Variants in LRFN2 observed in about 807,000 individuals in gnomAD.
The protein encoded by LRFN2 is leucine-rich repeat and fibronectin type-III domain-containing protein 2.
LRFN2 carries 18 observed loss-of-function variants against 37.3 expected under a neutral mutation model. The ratio of observed to expected loss-of-function variants is 0.48; its 90% CI spans 0.33 to 0.72. LRFN2 has a LOEUF of 0.72. Ranked by LOEUF, LRFN2 falls within the 30% of genes least tolerant of loss-of-function variation. The pLI, the probability that LRFN2 is intolerant of heterozygous loss-of-function variation, is 0.02. For synonymous variants in LRFN2, 556 were observed against 466.6 expected (o/e 1.19, Z -2.47); for missense variants, 1,006 against 1,060.7 (o/e 0.95, Z 0.72).
At chr6:40,472,700 C>T (rs1764626611) in intron 1 of LRFN2, among the ~76,000 whole-genome samples, 1 of 152,190 alleles carries the variant, frequency 6.6e-6, no homozygotes, top group Non-Finnish European at 1.5e-5. Flanking sequence ...CTGGATGTGA[C>T]CTGACTCTGA....
intron 1 of LRFN2, among the ~76,000 whole-genome samples, chr6:40,527,677 G>A (rs867972937): frequency 6.6e-6 from 1 of 152,146 alleles, no homozygotes; most frequent in Non-Finnish European, 1.5e-5. Flanking sequence ...AAGGAGAAAG[G>A]TACCATAGTA....
intron 1 of LRFN2, among the ~76,000 whole-genome samples, chr6:40,437,812 G>A (rs553688528): frequency 6.6e-6 from 1 of 152,326 alleles, no homozygotes; most frequent in East Asian, 1.9e-4. Flanking sequence ...AGGAACGCCA[G>A]GCCTAGTTCC....
chr6:40,533,374 AACACACACACACACAC>A (rs58462773), intron 1 of LRFN2, among the ~76,000 whole-genome samples: 5 of 142,974 alleles, frequency 3.5e-5, no homozygotes, highest in Admixed American at 7.0e-5. Flanking sequence ...TCTTGCTCAA[AACACACACACACACAC>A]ACACACACAC....
At position 40,450,666 on chromosome 6, in the gene LRFN2, C is replaced by G. The variant is rs1032100352; in HGVS notation, c.-18-17535G>C. On this transcript the variant is annotated intron_variant, in intron 1 of 2. Coordinates refer to ENST00000338305, the MANE Select transcript of LRFN2 (RefSeq NM_020737.3). ...CCAAGTGAGGACACTCATTTATTCTCCATCTATTTGCTGACAGAACATTTA... is the reference window on the plus strand; with the variant it reads ...CCAAGTGAGGACACTCATTTATTCTGCATCTATTTGCTGACAGAACATTTA... Among the ~76,000 whole-genome samples the G allele has an allele frequency of 5.9e-5, 9 of 152,326 alleles. No homozygotes were observed. The South Asian group carries it at 1.2e-3, about 21-fold the overall frequency.
At chr6:40,438,685 C>T (rs1035005409) in intron 1 of LRFN2, among the ~76,000 whole-genome samples, 7 of 152,196 alleles carry the variant, frequency 4.6e-5, no homozygotes, top group Admixed American at 6.5e-5. Flanking sequence ...GGTGGTGAAC[C>T]AGCTGTTTGG....
Position 40,431,849 on chromosome 6 carries a change from G to C in LRFN2, c.1265C>G (p.Pro422Arg). 1.9e-6 allele frequency: 3 copies of C among 1,585,508 alleles called. No individual in the cohort carries two copies. The highest frequency in any genetic ancestry group is 2.6e-6 in the Non-Finnish European group (3 of 1,164,300). ...SGGGEPPKSP[P>R]ERAVLVSEVT... ...TTCAGACACAAGCACAGCCCGTTCC[G>C]GGGGGCTTTTGGGAGGCTCTCCGCC... Residue 422 changes from proline (P) to arginine (R), a missense_variant, in exon 2 of 3, where the codon CCG becomes CGG. Physicochemically the swap from Pro to Arg is moderately radical, Grantham distance 103 (BLOSUM62 -2). Around this residue, in one of 4 missense-constraint regions of LRFN2, gnomAD observed 303 missense variants for 299.8 expected, o/e 1.01. Transcript: ENST00000338305.
At chr6:40,526,800 AT>A (rs1268592158) in intron 1 of LRFN2, among the ~76,000 whole-genome samples, 2 of 152,198 alleles carry the variant, frequency 1.3e-5, no homozygotes, top group Non-Finnish European at 2.9e-5. Context: ...CTTAGCCCAC[AT>A]TTTAAGATGA....
At chr6:40,581,939 C>A (rs1278760029) in intron 1 of LRFN2, among the ~76,000 whole-genome samples, 1 of 152,132 alleles carries the variant, frequency 6.6e-6, no homozygotes, top group African/African-American at 2.4e-5. Context: ...GTTGGGGGAC[C>A]CCCTGGCTTC....
At chr6:40,433,560 A>G (rs1763568821) in intron 1 of LRFN2, among the ~76,000 whole-genome samples, 1 of 152,180 alleles carries the variant, frequency 6.6e-6, no homozygotes, top group Non-Finnish European at 1.5e-5. Context: ...ATGCGATACC[A>G]TATCATTGGC....
intron 1 of LRFN2, among the ~76,000 whole-genome samples, chr6:40,556,704 CTT>C (rs1473978534): frequency 6.7e-6 from 1 of 149,262 alleles, no homozygotes; most frequent in Non-Finnish European, 1.5e-5. Context: ...TTCTCTCTCT[CTT>C]ACCTACATAG....
chr6:40,492,475 T>C (rs939653711), intron 1 of LRFN2, among the ~76,000 whole-genome samples: 2 of 152,216 alleles, frequency 1.3e-5, no homozygotes, highest in Admixed American at 6.5e-5. Flanking sequence ...TAACAAGAGA[T>C]GGATCTGGCG....
At chr6:40,483,091 C>T (rs913196764) in intron 1 of LRFN2, among the ~76,000 whole-genome samples, 8 of 152,256 alleles carry the variant, frequency 5.3e-5, no homozygotes, top group Non-Finnish European at 1.0e-4. Flanking sequence ...TTACTCGCTG[C>T]CTGACTCTGG....
intron 1 of LRFN2, among the ~76,000 whole-genome samples, chr6:40,564,988 C>T (rs1190252857): frequency 6.6e-6 from 1 of 152,180 alleles, no homozygotes; most frequent in East Asian, 1.9e-4. Context: ...GAGACAAAGA[C>T]TCAGAAACAC....
Position 40,462,763 on chromosome 6 carries a change from A to G in LRFN2, c.-18-29632T>C, listed in dbSNP as rs141708790. On this transcript the variant is annotated intron_variant, in intron 1 of 2. Coordinates refer to ENST00000338305, the MANE Select transcript of LRFN2 (RefSeq NM_020737.3). ...GCACCAAGGCTCACAGGAGGTACCC[A>G]AGGTAACAAAGAGTGGAAGCCAGGT... Among the ~76,000 whole-genome samples, 13 of 152,288 alleles carry G rather than the reference A, an allele frequency of 8.5e-5. No individual in the cohort carries two copies. In the East Asian group the frequency reaches 2.3e-3, roughly 27 times the overall value.
chr6:40,562,522 A>G (rs1259958785), intron 1 of LRFN2, among the ~76,000 whole-genome samples: 1 of 152,072 alleles, frequency 6.6e-6, no homozygotes, highest in Non-Finnish European at 1.5e-5. Context: ...CCCCAAGAGA[A>G]AATGGGGTCC....
intron 1 of LRFN2, among the ~76,000 whole-genome samples, chr6:40,542,637 C>T (rs992048154): frequency 5.3e-5 from 8 of 152,140 alleles, no homozygotes; most frequent in Non-Finnish European, 1.2e-4. Flanking sequence ...AAGTGAGATA[C>T]TAAAGGACCT....
intron 2 of LRFN2, among the ~76,000 whole-genome samples, chr6:40,394,071 A>G (rs1762567665): frequency 6.6e-6 from 1 of 152,074 alleles, no homozygotes; most frequent in South Asian, 2.1e-4. Context: ...CTGGGGGAAG[A>G]GTTTCTTTAG....
chr6:40,554,739 C>G (rs563981430), intron 1 of LRFN2, among the ~76,000 whole-genome samples: 1 of 151,996 alleles, frequency 6.6e-6, no homozygotes, highest in Non-Finnish European at 1.5e-5. Flanking sequence ...TTTTTGATCA[C>G]CCCCTTCCTA....
chr6:40,452,728 C>A (rs1385143672), intron 1 of LRFN2, among the ~76,000 whole-genome samples: 3 of 152,108 alleles, frequency 2.0e-5, no homozygotes, highest in Non-Finnish European at 2.9e-5. Flanking sequence ...TCCTTTGAAG[C>A]CAACCGTATG....
Sources: gnomAD v4.1 joint callset for allele counts (sites outside exome capture counted in the v4.1 genomes callset) on GRCh38, gnomAD v4.1.1 for gene constraint, gnomAD v4.1.1 regional missense constraint, MANE v1.5 for transcripts, NCBI Gene and HGNC (gene_info 2026-07-23, HGNC 2026-07-21) for gene names.